Variants in SARNP observed in about 807,000 individuals in gnomAD.
SARNP encodes the protein SAP domain containing ribonucleoprotein.
SARNP carries 5 observed loss-of-function variants against 38.1 expected under a neutral mutation model. The ratio of observed to expected loss-of-function variants is 0.13; its 90% CI spans 0.07 to 0.28. The LOEUF (loss-of-function observed/expected upper bound fraction) is 0.28. Among genes scored for constraint, SARNP ranks in the 10% least tolerant of loss-of-function variants. The pLI is 1.00. For missense variants in SARNP, 180 were observed against 243.9 expected (o/e 0.74, Z 1.75); for synonymous variants, 84 against 80.6 (o/e 1.04, Z -0.23).
chr12:55,778,493 C>A (rs894702682), intron 9 of SARNP, among the ~76,000 whole-genome samples: 2 of 152,070 alleles, frequency 1.3e-5, no homozygotes, highest in African/African-American at 4.8e-5. Context: ...AAAGTTTGTT[C>A]CATTGGGAGG....
chr12:55,806,955 TTTTTA>T (rs1880163744), intron 1 of SARNP, among the ~76,000 whole-genome samples: 2 of 152,292 alleles, frequency 1.3e-5, no homozygotes, highest in African/African-American at 4.8e-5. Context: ...ATCAATGCAT[TTTTTA>T]TTTTATTTAT....
At chr12:55,790,429 G>C (rs1879631061) in intron 8 of SARNP, 138 bp downstream of exon 8, 2 of 939,182 alleles carry the variant, frequency 2.1e-6, no homozygotes, top group East Asian at 6.2e-5. Context: ...TTAAATTCAA[G>C]ACATACAACA....
chr12:55,775,746 C>T (rs1879163620), intron 9 of SARNP, among the ~76,000 whole-genome samples: 1 of 152,068 alleles, frequency 6.6e-6, no homozygotes, highest in African/African-American at 2.4e-5. Context: ...TCCCCACCTC[C>T]ATCTCCAAAA....
chr12:55,789,368 G>A (rs1293847365), intron 8 of SARNP, among the ~76,000 whole-genome samples: 2 of 152,180 alleles, frequency 1.3e-5, no homozygotes, highest in African/African-American at 4.8e-5. Flanking sequence ...TATCACAGGT[G>A]TCAAGAGCCT....
chr12:55,767,229 A>G (rs1233803927), intron 9 of SARNP, among the ~76,000 whole-genome samples: 3 of 152,176 alleles, frequency 2.0e-5, no homozygotes, highest in Non-Finnish European at 4.4e-5. Context: ...TAACAATGCC[A>G]TTCATTCTTC....
chr12:55,815,491 T>A (rs1880454546), intron 1 of SARNP, among the ~76,000 whole-genome samples: 1 of 152,178 alleles, frequency 6.6e-6, no homozygotes. Flanking sequence ...GGAGTCTCAC[T>A]GTCCCCCAGG....
intron 9 of SARNP, among the ~76,000 whole-genome samples, chr12:55,785,931 A>T (rs1255353574): frequency 6.6e-6 from 1 of 152,028 alleles, no homozygotes; most frequent in African/African-American, 2.4e-5. Context: ...GAGCCACTGC[A>T]CCTGGCCCTG....
downstream of SARNP, chr12:55,756,133 G>T (rs1445227816): frequency 9.9e-5 from 15 of 152,218 alleles, no homozygotes; most frequent in Admixed American, 9.8e-4. Flanking sequence ...CTAGCCCCAA[G>T]ATCAGAGCCT....
At chr12:55,759,319 T>C (rs1296778843) in intron 10 of SARNP, among the ~76,000 whole-genome samples, 3 of 152,122 alleles carry the variant, frequency 2.0e-5, no homozygotes, top group African/African-American at 7.2e-5. Context: ...AAATAAAACT[T>C]TGAGGTAGGT....
intron 1 of SARNP, chr12:55,815,977 AGCAAGTCCTTTTTAG>A (rs1280296489): frequency 6.6e-6 from 1 of 152,268 alleles, no homozygotes; most frequent in African/African-American, 2.4e-5. Context: ...GTGATTAAAG[AGCAAGTCCTTTTTAG>A]GCTGTCAGGA....
chr12:55,762,383 G>A (rs1359441790), intron 9 of SARNP, among the ~76,000 whole-genome samples: 1 of 149,716 alleles, frequency 6.7e-6, no homozygotes, highest in Non-Finnish European at 1.5e-5. Flanking sequence ...TCAGCTCACT[G>A]CAACCTGTGC....
intron 1 of SARNP, among the ~76,000 whole-genome samples, chr12:55,812,640 C>T (rs2136208865): frequency 6.6e-6 from 1 of 152,366 alleles, no homozygotes. Context: ...ACTGGCTTCT[C>T]CTCCTCCCAA....
rs151000002 is a variant in SARNP, at chr12:55,814,316, C to A, written c.36+3350G>T. Among the ~76,000 whole-genome samples, 484 of 152,350 alleles carry A rather than the reference C, an allele frequency of 3.2e-3. 2 individuals are homozygous for A. The highest frequency in any genetic ancestry group is 0.011 in the African/African-American group (447 of 41,580). On this transcript the variant is annotated intron_variant, in intron 1 of 10. Transcript: ENST00000336133. ...ACATGACAAAGGCCAGAAGTCCTTA[C>A]ATAACTTAGAAAGCCCTTTTCAATA... is the stretch of plus-strand genomic sequence containing the variant.
At chr12:55,772,861 C>T (rs1407896552) in intron 9 of SARNP, among the ~76,000 whole-genome samples, 3 of 151,900 alleles carry the variant, frequency 2.0e-5, no homozygotes, top group African/African-American at 7.3e-5. Flanking sequence ...ATTACAGGCA[C>T]GCAACACCAC....
At chr12:55,774,962 C>A (rs1277659075) in intron 9 of SARNP, among the ~76,000 whole-genome samples, 2 of 147,276 alleles carry the variant, frequency 1.4e-5, no homozygotes, top group East Asian at 4.1e-4. Flanking sequence ...TCTTGGCTCA[C>A]TGCAACCTCC....
At chr12:55,803,572 G>T in intron 2 of SARNP, 57 bp downstream of exon 2, 5 of 990,554 alleles carry the variant, frequency 5.0e-6, no homozygotes, top group South Asian at 1.6e-5. Context: ...AATCTTTTCA[G>T]TGTCAAAGCC....
rs1328937844 is a variant in SARNP, at chr12:55,803,735, G to C, written c.37-7C>G. 40 of 1,605,686 alleles carry C rather than the reference G, an allele frequency of 2.5e-5. No individual in the cohort carries two copies. The highest frequency in any genetic ancestry group is 3.2e-5 in the Non-Finnish European group (37 of 1,174,130). On this transcript the variant is annotated splice_polypyrimidine_tract_variant and splice_region_variant and intron_variant, in intron 1 of 10. Transcript: ENST00000336133. ...CTTGCTTTAGTTCGGCAAGCTGAGGGGAAAAAAATAAAACTTTTCCTTAGT... is the reference window on the plus strand; with the variant it reads ...CTTGCTTTAGTTCGGCAAGCTGAGGCGAAAAAAATAAAACTTTTCCTTAGT...
intron 9 of SARNP, among the ~76,000 whole-genome samples, chr12:55,781,544 A>AC (rs1013785210): frequency 6.6e-6 from 1 of 151,886 alleles, no homozygotes; most frequent in Non-Finnish European, 1.5e-5. Context: ...AAAAAAAAAA[A>AC]AAAACAAAAA....
At chr12:55,806,665 G>A (rs753724714) in intron 1 of SARNP, among the ~76,000 whole-genome samples, 1 of 152,094 alleles carries the variant, frequency 6.6e-6, no homozygotes, top group Non-Finnish European at 1.5e-5. Context: ...TCTGCCTCCC[G>A]ATTAGCTGGG....
Sources: allele counts gnomAD v4.1 joint callset (sites outside exome capture counted in the v4.1 genomes callset), GRCh38; gene constraint gnomAD v4.1.1; transcripts MANE v1.5; gene names NCBI Gene and HGNC (gene_info 2026-07-23, HGNC 2026-07-21).